Variants in SYT12 observed in about 807,000 individuals in gnomAD.
The protein encoded by SYT12 is synaptotagmin-12.
SYT12 carries 27 observed loss-of-function variants against 39.5 expected under a neutral mutation model. The ratio of observed to expected loss-of-function variants is 0.68; its 90% confidence interval spans 0.50 to 0.94. The LOEUF is 0.94. Ranked by LOEUF, SYT12 falls within the 40% of genes least tolerant of loss-of-function variation. The pLI is 0.00. For missense variants in SYT12, 536 were observed against 572.6 expected, an observed-to-expected ratio of 0.94 and a Z score of 0.65; for synonymous variants, 233 against 239.7, an observed-to-expected ratio of 0.97 and a Z score of 0.26.
intron 3 of SYT12, among the ~76,000 whole-genome samples, chr11:67,017,664 CA>C (rs1381763073): frequency 6.7e-6 from 1 of 150,270 alleles, no homozygotes; most frequent in Non-Finnish European, 1.5e-5. Flanking sequence ...CCAGCCACAA[CA>C]AAAAATTTTA....
intron 2 of SYT12, among the ~76,000 whole-genome samples, chr11:67,033,599 G>A (rs1191275432): frequency 6.6e-6 from 1 of 152,190 alleles, no homozygotes; most frequent in East Asian, 1.9e-4. Flanking sequence ...TGCTAGAGTT[G>A]GGGTCCCAGC....
intron 3 of SYT12, among the ~76,000 whole-genome samples, chr11:67,037,869 G>A (rs7950567): frequency 0.63 from 91,814 of 146,392 alleles, 34,198 homozygotes; most frequent in South Asian, 0.86. Flanking sequence ...GCGACAGAGC[G>A]AGGCTCCCCC....
chr11:67,048,678 T>C lies in SYT12; in HGVS notation c.1187T>C (p.Met396Thr). The change falls in exon 8 of 8, where the codon ATG becomes ACG. Residue 396 changes from methionine to threonine, a missense_variant. Physicochemically the swap from Met to Thr is moderately conservative, Grantham distance 81 (BLOSUM62 -1). Transcript: ENST00000527043. Reference sequence around the variant, plus strand: ...ATCATTGGGCCGTCAGCCAGTGGCATGGGAACCACACATTGGAACCAGATG... The same window carrying C: ...ATCATTGGGCCGTCAGCCAGTGGCACGGGAACCACACATTGGAACCAGATG... ...HVIIGPSASG[M>T]GTTHWNQMLA... 6.2e-7 allele frequency: 1 copy of C among 1,612,974 alleles called. No homozygotes were observed. Among genetic ancestry groups the C allele is most frequent in the Non-Finnish European group, 8.5e-7 (1 of 1,179,256 alleles).
At chr11:67,018,993 G>A (rs558946558), upstream of SYT12, among the ~76,000 whole-genome samples, 11 of 152,214 alleles carry the variant, frequency 7.2e-5, no homozygotes, top group South Asian at 2.1e-4. Flanking sequence ...TGTATTCATC[G>A]ATTTTCATGC....
rs1854664203 is a variant in SYT12, at chr11:67,048,926, G to A, written c.*169G>A. 1 of 771,636 alleles carries A rather than the reference G, an allele frequency of 1.3e-6. No homozygotes were observed. Among genetic ancestry groups the A allele is most frequent in the African/African-American group, 1.7e-5 (1 of 57,570 alleles). The allele number at this position is 771,636 out of a possible 1,614,324, so 47.8% of individuals were successfully genotyped here. On this transcript the variant is annotated 3_prime_UTR_variant, in exon 8 of 8. Transcript: ENST00000527043. The stretch of plus-strand genomic sequence containing the variant: ...TGTCCAGATTGCAGCAGAGGAGTGG[G>A]CGTGGCTCTGTGTCCAGGGCCCCAG...
At chr11:67,043,584 C>A in intron 4 of SYT12, 54 bp from the exon 5 acceptor site, 1 of 1,567,748 alleles carries the variant, frequency 6.4e-7, no homozygotes, top group Non-Finnish European at 8.8e-7. Flanking sequence ...AGTGCTGTCT[C>A]CCTGCTGTGG....
chr11:67,027,296 T>C (rs1440230720), intron 1 of SYT12: 4 of 152,048 alleles, frequency 2.6e-5, no homozygotes, highest in Admixed American at 6.6e-5. Flanking sequence ...GGTCAGGAGT[T>C]CAAGACCATC....
At chr11:67,044,738 T>A in intron 6 of SYT12, 25 bp downstream of exon 6, 2 of 1,612,778 alleles carry the variant, frequency 1.2e-6, no homozygotes, top group Non-Finnish European at 1.7e-6. Context: ...GCAGCCCGGC[T>A]CCTCCACGTA....
intron 7 of SYT12, 29 bp from the exon 8 acceptor site, chr11:67,048,555 C>T: frequency 6.3e-7 from 1 of 1,584,390 alleles, no homozygotes; most frequent in African/African-American, 1.3e-5. Context: ...TGCCCCTGGT[C>T]CTCAGCACCC....
At chr11:67,035,837 C>CCTTCCTTT (rs1412426648) in intron 3 of SYT12, among the ~76,000 whole-genome samples, 79 of 111,122 alleles carry the variant, frequency 7.1e-4, no homozygotes, top group African/African-American at 3.0e-3. Flanking sequence ...TTCCTTCCTT[C>CCTTCCTTT]CTTTCTTTCT....
chr11:67,041,863 G>C (rs1950517998), intron 4 of SYT12, among the ~76,000 whole-genome samples: 1 of 152,240 alleles, frequency 6.6e-6, no homozygotes, highest in Non-Finnish European at 1.5e-5. Context: ...CTCAGGGCCA[G>C]AGCAGAGGGG....
chr11:67,039,760 C>A, intron 3 of SYT12, 51 bp from the exon 4 acceptor site: 1 of 1,552,518 alleles, frequency 6.4e-7, no homozygotes. Flanking sequence ...CTCCCAGTGA[C>A]CTTGCCTATG....
rs1004282906 is a variant in SYT12 at position 67,039,834 on chromosome 11, G to C, written c.252G>C (p.Gln84His). ...AGAGAGTGCCTGCCTGGAATGCCCA[G>C]CGGGCCAGCACGCGGGGACCACCCA... The part of the protein sequence containing the change: ...REKRVPAWNA[Q>H]RASTRGPPSR... Residue 84 changes from glutamine (Q) to histidine (H), a missense_variant, in exon 4 of 8, where the codon CAG becomes CAC. Gln to His is a conservative substitution (Grantham distance 24). Coordinates refer to ENST00000527043, the MANE Select transcript of SYT12 (RefSeq NM_177963.4). 6.2e-7 allele frequency: 1 copy of C among 1,611,866 alleles called. No homozygotes were observed. The highest frequency in any genetic ancestry group is 8.5e-7 in the Non-Finnish European group (1 of 1,179,758).
chr11:67,008,290 G>T (rs976875661), intron 1 of SYT12, among the ~76,000 whole-genome samples: 1 of 152,000 alleles, frequency 6.6e-6, no homozygotes, highest in African/African-American at 2.4e-5. Context: ...CCTCCTTTCA[G>T]TTCTTTTATT....
intron 5 of SYT12, 87 bp downstream of exon 5, chr11:67,043,940 C>G: frequency 8.3e-7 from 1 of 1,201,922 alleles, no homozygotes; most frequent in South Asian, 1.3e-5. Context: ...TCATCATCCT[C>G]TGCAATAGCC....
At chr11:67,030,424 T>C in intron 2 of SYT12, 1 of 513,490 alleles carries the variant, frequency 1.9e-6, no homozygotes, top group Non-Finnish European at 3.5e-6. Context: ...TTTCTCTCTT[T>C]CACTTGAAAG....
Position 67,048,594 on chromosome 11 carries a change from T to C in SYT12, c.1103T>C (p.Leu368Pro). 6.2e-7 allele frequency: 1 copy of C among 1,600,464 alleles called. No individual in the cohort carries two copies. Among genetic ancestry groups the C allele is most frequent in the Non-Finnish European group, 8.6e-7 (1 of 1,169,024 alleles). The change falls in exon 8 of 8, where the codon CTC (leucine) becomes CCC (proline). Residue 368 changes from leucine (L) to proline (P), a missense_variant. Leu to Pro is a moderately conservative substitution (Grantham distance 98). Coordinates refer to ENST00000527043, the MANE Select transcript of SYT12 (RefSeq NM_177963.4). The stretch of plus-strand genomic sequence containing the variant: ...TTGCCTCTTCCTCAGGACCTGTCTC[T>C]CCGCGTGACGGTGGCTGAGAGCAGC... ...VPAIVLQDLS[L>P]RVTVAESSSD...
chr11:67,028,388 G>C (rs1273857663), intron 1 of SYT12: 1 of 152,150 alleles, frequency 6.6e-6, no homozygotes, highest in Admixed American at 6.5e-5. Flanking sequence ...TTGTGGGAGT[G>C]GGGGCAGCAT....
intron 3 of SYT12, among the ~76,000 whole-genome samples, chr11:67,014,991 T>C (rs1950045328): frequency 1.3e-5 from 2 of 152,128 alleles, no homozygotes; most frequent in South Asian, 4.1e-4. Flanking sequence ...CGCCACAAAC[T>C]ACTTAAAAGA....
Sources: allele counts gnomAD v4.1 joint callset (sites outside exome capture counted in the v4.1 genomes callset), GRCh38; gene constraint gnomAD v4.1.1; transcripts MANE v1.5; gene names NCBI Gene and HGNC (gene_info 2026-07-23, HGNC 2026-07-21).